ERBB4: variants seen among roughly 807,000 people sequenced by gnomAD.
The protein encoded by ERBB4 is erb-b2 receptor tyrosine kinase 4.
In ERBB4, 42 loss-of-function variants were observed where a neutral mutation model predicts 158.0. The ratio of observed to expected loss-of-function variants is 0.27; its 90% CI spans 0.21 to 0.34. The LOEUF is 0.34. ERBB4 is among the 10% of genes least tolerant of loss of function. ERBB4 has a pLI of 1.00. For missense variants in ERBB4, 1,333 were observed against 1,624.1 expected (o/e 0.82, Z 3.08); for synonymous variants, 583 against 558.7 (o/e 1.04, Z -0.61).
At chr2:211,929,225 T>C (rs1192503651) in intron 3 of ERBB4, among the ~76,000 whole-genome samples, 3 of 145,846 alleles carry the variant, frequency 2.1e-5, no homozygotes, top group Non-Finnish European at 4.5e-5. Context: ...ACTGTTTATC[T>C]TTGGAATAAG....
chr2:211,963,057 T>C (rs531012138), intron 2 of ERBB4, among the ~76,000 whole-genome samples: 1 of 152,318 alleles, frequency 6.6e-6, no homozygotes, highest in Non-Finnish European at 1.5e-5. Flanking sequence ...TAAATTATGT[T>C]AGCACCTGTG....
intron 7 of ERBB4, among the ~76,000 whole-genome samples, chr2:211,718,940 C>T (rs2074009375): frequency 6.6e-6 from 1 of 152,166 alleles, no homozygotes; most frequent in African/African-American, 2.4e-5. Flanking sequence ...AAAGAAACAT[C>T]AGAAACAGCT....
At position 211,702,174 on chromosome 2, in the gene ERBB4, G is replaced by T; in HGVS notation, c.1290-8C>A. 1 of 1,612,356 alleles carries T rather than the reference G, an allele frequency of 6.2e-7. No individual in the cohort carries two copies. The highest frequency in any genetic ancestry group is 8.5e-7 in the Non-Finnish European group (1 of 1,178,380). On this transcript the variant is annotated splice_polypyrimidine_tract_variant and splice_region_variant and intron_variant, in intron 11 of 27. Coordinates refer to ENST00000342788, the MANE Select transcript of ERBB4 (RefSeq NM_005235.3). ...ATAAGCAAGGACAGGCCACTAAGGA[G>T]GGGGAAGTGAGAAAACGGAACCATG...
At chr2:212,495,225 T>C (rs781148192) in intron 1 of ERBB4, among the ~76,000 whole-genome samples, 6 of 152,120 alleles carry the variant, frequency 3.9e-5, no homozygotes, top group Non-Finnish European at 7.3e-5. Context: ...TAAAACCTTG[T>C]TGAAATAAAA....
At chr2:211,504,700 C>T (rs2065701462) in intron 20 of ERBB4, among the ~76,000 whole-genome samples, 1 of 151,972 alleles carries the variant, frequency 6.6e-6, no homozygotes, top group South Asian at 2.1e-4. Context: ...TGAAAACCAA[C>T]ACAAAGAATT....
intron 14 of ERBB4, among the ~76,000 whole-genome samples, chr2:211,669,059 C>T (rs1220549421): frequency 6.6e-6 from 1 of 151,268 alleles, no homozygotes; most frequent in Non-Finnish European, 1.5e-5. Context: ...CCCATCTCTA[C>T]AAAAAATATA....
At chr2:211,626,313 G>T (rs547799781) in intron 17 of ERBB4, among the ~76,000 whole-genome samples, 8 of 152,220 alleles carry the variant, frequency 5.3e-5, no homozygotes, top group African/African-American at 1.9e-4. Flanking sequence ...GAAAAAATAT[G>T]TTTTATAGTT....
intron 3 of ERBB4, among the ~76,000 whole-genome samples, chr2:211,882,195 TA>T (rs141841674): frequency 4.6e-5 from 7 of 151,766 alleles, no homozygotes; most frequent in African/African-American, 9.7e-5. Flanking sequence ...TTCCTAATCT[TA>T]AAAAAAATAA....
At chr2:211,801,606 G>T (rs1252207708) in intron 3 of ERBB4, among the ~76,000 whole-genome samples, 1 of 151,828 alleles carries the variant, frequency 6.6e-6, no homozygotes, top group Non-Finnish European at 1.5e-5. Context: ...ACAAACAAAA[G>T]GATATGTTCA....
In ERBB4 at chr2:211,883,213, C is replaced by T. The variant is rs543336288; in HGVS notation, c.421+64217G>A. The stretch of plus-strand genomic sequence containing the variant: ...ATCGCAAGGACAAAAAACCAAACAC[C>T]GCGTGTTCTCACTCCTAGGTGGGAA... On this transcript the variant is annotated intron_variant, in intron 3 of 27. Coordinates refer to ENST00000342788, the MANE Select transcript of ERBB4 (RefSeq NM_005235.3). 5.2e-4 allele frequency among the ~76,000 whole-genome samples: 79 copies of T among 152,166 alleles called. 1 individual carries two copies. The South Asian group carries it at 6.6e-3, about 13-fold the overall frequency.
chr2:212,034,456 T>C (rs1202766041), intron 2 of ERBB4, among the ~76,000 whole-genome samples: 1 of 152,044 alleles, frequency 6.6e-6, no homozygotes, highest in Non-Finnish European at 1.5e-5. Context: ...TCCCAGCTAA[T>C]GGACAAAGCA....
At chr2:212,180,332 G>C (rs1019208670) in intron 1 of ERBB4, among the ~76,000 whole-genome samples, 13 of 151,612 alleles carry the variant, frequency 8.6e-5, no homozygotes, top group African/African-American at 2.9e-4. Context: ...GCTGGTAAGT[G>C]AAACACCTGG....
intron 1 of ERBB4, among the ~76,000 whole-genome samples, chr2:212,273,422 G>A (rs2085413325): frequency 6.6e-6 from 1 of 151,738 alleles, no homozygotes; most frequent in Non-Finnish European, 1.5e-5. Context: ...GCACTCCAGA[G>A]TTATTTTTGA....
intron 1 of ERBB4, among the ~76,000 whole-genome samples, chr2:212,280,475 C>CA (rs1442084398): frequency 2.0e-5 from 3 of 151,552 alleles, no homozygotes; most frequent in Non-Finnish European, 4.4e-5. Context: ...TCCCCAAAGT[C>CA]AAGCATGTAA....
At chr2:212,094,365 A>C (rs2078866900) in intron 2 of ERBB4, among the ~76,000 whole-genome samples, 1 of 92,868 alleles carries the variant, frequency 1.1e-5, no homozygotes, top group Admixed American at 1.4e-4. Flanking sequence ...AGTTTTCCAG[A>C]CAAAATCTAC....
rs531424679 is a variant in ERBB4 at position 212,462,970 on chromosome 2, A to G, written c.82+75479T>C. On this transcript the variant is annotated intron_variant, in intron 1 of 27. Transcript: ENST00000342788. The stretch of plus-strand genomic sequence containing the variant: ...TTTATGGCAACATGGATGAGCCAGG[A>G]AGAAATTATGTTAAATTAAATAAGC... 4.0e-4 allele frequency among the ~76,000 whole-genome samples: 61 copies of G among 152,258 alleles called. 1 individual carries two copies. Among genetic ancestry groups the G allele is most frequent in the African/African-American group, 1.3e-3 (55 of 41,562 alleles).
At chr2:211,757,795 A>G (rs187027006) in intron 4 of ERBB4, among the ~76,000 whole-genome samples, 340 of 152,284 alleles carry the variant, frequency 2.2e-3, no homozygotes, top group African/African-American at 8.0e-3. Context: ...GCAAATTTGT[A>G]TTTTTCCTGA....
At chr2:211,800,213 C>G (rs2076468810) in intron 3 of ERBB4, among the ~76,000 whole-genome samples, 1 of 152,134 alleles carries the variant, frequency 6.6e-6, no homozygotes, top group South Asian at 2.1e-4. Flanking sequence ...TGTTAGCCAC[C>G]TCACTGTACA....
chr2:211,545,123 CTGT>C (rs2066908740), intron 20 of ERBB4, among the ~76,000 whole-genome samples: 1 of 151,834 alleles, frequency 6.6e-6, no homozygotes, highest in Non-Finnish European at 1.5e-5. Flanking sequence ...TTTCAGGCTG[CTGT>C]TGTGACTTGA....
Sources: gnomAD v4.1 joint callset for allele counts (sites outside exome capture counted in the v4.1 genomes callset) on GRCh38, gnomAD v4.1.1 for gene constraint, MANE v1.5 for transcripts, NCBI Gene and HGNC (gene_info 2026-07-23, HGNC 2026-07-21) for gene names.